Variants in NPHP1 observed in about 807,000 individuals in gnomAD.
NPHP1 encodes nephrocystin 1.
Under a neutral mutation model 90.4 loss-of-function variants are expected in NPHP1, and 70 were observed. The ratio of observed to expected loss-of-function variants is 0.77; its 90% CI spans 0.64 to 0.95. The LOEUF (loss-of-function observed/expected upper bound fraction) is 0.95, where lower values mean the gene tolerates loss of function less well. Ranked by LOEUF, NPHP1 falls within the 40% of genes least tolerant of loss-of-function variation. The pLI is 0.00. For synonymous variants in NPHP1, 256 were observed against 271.7 expected, an observed-to-expected ratio of 0.94 and a Z score of 0.57; for missense variants, 764 against 795.9, an observed-to-expected ratio of 0.96 and a Z score of 0.48.
intron 9 of NPHP1, among the ~76,000 whole-genome samples, chr2:110,162,046 ACTT>A (rs2104549967): frequency 6.6e-6 from 1 of 152,238 alleles, no homozygotes; most frequent in South Asian, 2.1e-4. Context: ...CGTTAGTTTT[ACTT>A]CTTAACACAA....
At chr2:110,127,271 A>G (rs951628883) in intron 18 of NPHP1, 4 of 152,170 alleles carry the variant, frequency 2.6e-5, no homozygotes, top group African/African-American at 4.8e-5. Context: ...GTGGAGCAGC[A>G]TCTTCCACTG....
At chr2:110,149,354 T>C (rs1681294991) in intron 12 of NPHP1, among the ~76,000 whole-genome samples, 1 of 152,124 alleles carries the variant, frequency 6.6e-6, no homozygotes, top group Admixed American at 6.5e-5. Context: ...ACTCTTCACA[T>C]ACACAGAGAC....
chr2:110,191,722 C>T (rs1214807033), intron 2 of NPHP1, among the ~76,000 whole-genome samples: 1 of 152,208 alleles, frequency 6.6e-6, no homozygotes, highest in Non-Finnish European at 1.5e-5. Flanking sequence ...AAGTGGGTCC[C>T]TGACCCCCAA....
At chr2:110,125,926 TAAGAA>T (rs1377362342) in intron 18 of NPHP1, 1 of 541,274 alleles carries the variant, frequency 1.8e-6, no homozygotes, top group Non-Finnish European at 3.3e-6. Context: ...AAAACTAACT[TAAGAA>T]TAGAATCAGC....
intron 10 of NPHP1, among the ~76,000 whole-genome samples, chr2:110,160,751 T>G (rs1476371331): frequency 6.6e-6 from 1 of 152,232 alleles, no homozygotes; most frequent in African/African-American, 2.4e-5. Context: ...CAGATCTGCT[T>G]CATAGGTATA....
At chr2:110,152,641 A>G (rs1396663752) in intron 11 of NPHP1, among the ~76,000 whole-genome samples, 2 of 151,900 alleles carry the variant, frequency 1.3e-5, no homozygotes, top group African/African-American at 4.8e-5. Flanking sequence ...TCTCATAAAA[A>G]GTAGTGAGCC....
At chr2:110,184,664 T>C (rs890319522) in intron 2 of NPHP1, 4 of 758,698 alleles carry the variant, frequency 5.3e-6, no homozygotes, top group East Asian at 2.7e-5. Context: ...AGGAGGGCTA[T>C]GATTTCCACT....
chr2:110,157,232 T>A (rs534983974), intron 11 of NPHP1, among the ~76,000 whole-genome samples: 3 of 152,156 alleles, frequency 2.0e-5, no homozygotes, highest in African/African-American at 7.2e-5. Flanking sequence ...TATTTTGATA[T>A]ATTATTGAAA....
intron 6 of NPHP1, among the ~76,000 whole-genome samples, 183 bp from the exon 7 acceptor site, chr2:110,165,338 T>C (rs189492701): frequency 1.4e-4 from 21 of 152,268 alleles, no homozygotes; most frequent in African/African-American, 4.8e-4. Flanking sequence ...TTAGTATATA[T>C]GATGAGCATA....
intron 13 of NPHP1, 63 bp from the exon 14 acceptor site, chr2:110,146,898 C>G: frequency 8.5e-7 from 1 of 1,177,548 alleles, no homozygotes; most frequent in Non-Finnish European, 1.3e-6. Context: ...TAAGCACATA[C>G]CAAGTCCTTT....
chr2:110,178,566 CTA>C lies in NPHP1; in HGVS notation c.205-21_205-20del. The stretch of plus-strand genomic sequence containing the variant: ...CATCAGCCTATGAGAGAATATAGGT[CTA>C]TTTCACTAAAAAATTAATTTCAGTT... On this transcript the variant is annotated intron_variant, in intron 3 of 19. Coordinates refer to ENST00000445609, the MANE Select transcript of NPHP1 (RefSeq NM_001128178.3). 1.9e-6 allele frequency: 3 copies of C among 1,581,258 alleles called. No individual in the cohort carries two copies. Among genetic ancestry groups the C allele is most frequent in the Non-Finnish European group, 2.6e-6 (3 of 1,167,352 alleles).
At position 110,140,245 on chromosome 2, in the gene NPHP1, C is replaced by T. The variant is rs1201118606; in HGVS notation, c.1529+3297G>A. Among the ~76,000 whole-genome samples the T allele has an allele frequency of 5.3e-5, 8 of 152,216 alleles. No homozygotes were observed. In the South Asian group the frequency reaches 1.7e-3, roughly 32 times the overall value. ...TGGAAGAGCACACACCAAGACAAGG[C>T]AGAGGGAGGCCAGGGACAGGTGGAA... On this transcript the variant is annotated intron_variant, in intron 16 of 19. Transcript: ENST00000445609.
chr2:110,152,673 A>T (rs1681574262), intron 11 of NPHP1, among the ~76,000 whole-genome samples: 1 of 152,064 alleles, frequency 6.6e-6, no homozygotes, highest in Non-Finnish European at 1.5e-5. Flanking sequence ...GAGGACAAAG[A>T]CATAGCCATG....
chr2:110,154,271 G>T (rs1681722634), intron 11 of NPHP1, among the ~76,000 whole-genome samples: 1 of 152,128 alleles, frequency 6.6e-6, no homozygotes, highest in African/African-American at 2.4e-5. Context: ...ATGATTGTGA[G>T]GCCTCCTCAG....
chr2:110,131,116 T>C (rs944610313), intron 17 of NPHP1, among the ~76,000 whole-genome samples: 2 of 152,190 alleles, frequency 1.3e-5, no homozygotes, highest in Non-Finnish European at 2.9e-5. Context: ...CATGCATTTA[T>C]CTTTGCAGGT....
At chr2:110,198,582 C>T (rs1685323514) in intron 2 of NPHP1, among the ~76,000 whole-genome samples, 1 of 152,068 alleles carries the variant, frequency 6.6e-6, no homozygotes, top group Non-Finnish European at 1.5e-5. Context: ...CCAGGGGATT[C>T]TTCCCTAAAA....
chr2:110,194,991 A>G (rs1685051506), intron 2 of NPHP1, among the ~76,000 whole-genome samples: 1 of 152,202 alleles, frequency 6.6e-6, no homozygotes, highest in South Asian at 2.1e-4. Flanking sequence ...GAAATTAGGT[A>G]TTGATGGGAC....
Position 110,170,008 on chromosome 2 carries a change from G to C in NPHP1, c.330-10C>G. 4 of 1,613,042 alleles carry C rather than the reference G, an allele frequency of 2.5e-6. No homozygotes were observed. The highest frequency in any genetic ancestry group is 8.5e-7 in the Non-Finnish European group (1 of 1,179,358). ...AGTAGGTGCCCCAACTCTACAAAAA[G>C]TGTTTCTGAGTAGGACTACTTGAAA... On this transcript the variant is annotated splice_polypyrimidine_tract_variant and intron_variant, in intron 4 of 19. Coordinates refer to ENST00000445609, the MANE Select transcript of NPHP1 (RefSeq NM_001128178.3).
chr2:110,194,491 G>T (rs1384137615), intron 2 of NPHP1, among the ~76,000 whole-genome samples: 2 of 152,134 alleles, frequency 1.3e-5, no homozygotes, highest in Non-Finnish European at 1.5e-5. Flanking sequence ...CCAATAACAG[G>T]CTCTGAAATT....
Sources: allele counts gnomAD v4.1 joint callset (sites outside exome capture counted in the v4.1 genomes callset), GRCh38; gene constraint gnomAD v4.1.1; transcripts MANE v1.5; gene names NCBI Gene and HGNC (gene_info 2026-07-23, HGNC 2026-07-21).